Variants in HMSD observed in about 807,000 individuals in gnomAD.
The protein encoded by HMSD is serpin-like protein HMSD.
In HMSD, 13 loss-of-function variants were observed where a neutral mutation model predicts 10.0. The ratio of observed to expected loss-of-function variants is 1.31; its 90% confidence interval spans 0.85 to 2.08. The LOEUF is 2.08. HMSD is among the 30% of genes most tolerant of loss of function. The probability of loss-of-function intolerance (pLI) is 0.00; values close to 1 mark genes in which losing one functional copy is unlikely to be tolerated. For synonymous variants in HMSD, 51 were observed against 54.2 expected, an observed-to-expected ratio of 0.94 and a Z score of 0.26; for missense variants, 169 against 166.3, an observed-to-expected ratio of 1.02 and a Z score of -0.09.
At chr18:63,959,101 C>T (rs1436721947) in intron 3 of HMSD, among the ~76,000 whole-genome samples, 1 of 152,142 alleles carries the variant, frequency 6.6e-6, no homozygotes, top group Non-Finnish European at 1.5e-5. Context: ...CTAGTACAGT[C>T]ATGGGGGACA....
At chr18:63,953,123 G>C (rs967818913) in intron 1 of HMSD, among the ~76,000 whole-genome samples, 3 of 152,272 alleles carry the variant, frequency 2.0e-5, no homozygotes, top group Admixed American at 2.0e-4. Flanking sequence ...AAACAGTGAA[G>C]GCTCAATTTC....
intron 1 of HMSD, among the ~76,000 whole-genome samples, chr18:63,950,606 C>T (rs1048191771): frequency 2.6e-5 from 4 of 151,752 alleles, no homozygotes; most frequent in Admixed American, 2.0e-4. Context: ...AAATATTAAA[C>T]CAGGAGACTT....
Position 63,959,804 on chromosome 18 carries a change from T to A in HMSD, c.223-354T>A, listed in dbSNP as rs370792036. On this transcript the variant is annotated intron_variant, in intron 3 of 3. Transcript: ENST00000408945. ...TTCAGTTCTATTAGTTGTTGCCTTATGTGTCTTGATGGTCCACTATTAGGT... is the reference window on the plus strand; with the variant it reads ...TTCAGTTCTATTAGTTGTTGCCTTAAGTGTCTTGATGGTCCACTATTAGGT... Among the ~76,000 whole-genome samples the A allele has an allele frequency of 9.8e-5, 15 of 152,318 alleles. No individual in the cohort carries two copies. The East Asian group carries it at 2.3e-3, about 24-fold the overall frequency.
chr18:63,954,541 CT>C lies in HMSD; in HGVS notation c.208del (p.Tyr70MetfsTer19). 1 of 1,611,340 alleles carries C rather than the reference CT, an allele frequency of 6.2e-7. No homozygotes were observed. The highest frequency in any genetic ancestry group is 1.1e-5 in the South Asian group (1 of 90,722). On this transcript the variant is annotated frameshift_variant, in exon 3 of 4. Transcript: ENST00000408945. LOFTEE classifies it high-confidence loss of function. The part of the protein sequence containing the change: ...RTANGLFGEK[S>X]YDFLTGFTDS... ...GCCAACGGGCTCTTTGGAGAAAAGT[CT>C]TATGATTTCCTCACAGTAAGTCATA...
intron 1 of HMSD, among the ~76,000 whole-genome samples, chr18:63,952,776 G>A (rs1159967537): frequency 2.6e-5 from 4 of 152,060 alleles, no homozygotes; most frequent in African/African-American, 7.2e-5. Flanking sequence ...TATTTTCATG[G>A]CATTTTCTTT....
rs2144756815 is a variant in HMSD, at chr18:63,953,343, C to A, written c.-102-11C>A. ...ATTAATGTAATATTGTTTAAAAATC[C>A]ATTGTTTCAGGCTCACCGTCATGGA... On this transcript the variant is annotated splice_polypyrimidine_tract_variant and intron_variant, in intron 1 of 3. Transcript: ENST00000408945. 2 of 719,056 alleles carry A rather than the reference C, an allele frequency of 2.8e-6. No homozygotes were observed. Among genetic ancestry groups the A allele is most frequent in the Non-Finnish European group, 4.9e-6 (2 of 409,150 alleles). 44.5% of individuals were successfully genotyped at this position (719,056 alleles called of 1,614,324 possible).
At position 63,960,437 on chromosome 18, in the gene HMSD, T is replaced by G. The variant is rs925024297; in HGVS notation, c.*82T>G. Reference sequence around the variant, plus strand: ...ATATTGCCAACTCGTAGACCTTTTCTCTAGCTTTAGCTTTTCCCTTATCAA... The same window carrying G: ...ATATTGCCAACTCGTAGACCTTTTCGCTAGCTTTAGCTTTTCCCTTATCAA... On this transcript the variant is annotated 3_prime_UTR_variant, in exon 4 of 4. Transcript: ENST00000408945. The G allele has an allele frequency of 2.0e-6, 3 of 1,486,852 alleles. No individual in the cohort carries two copies. The highest frequency in any genetic ancestry group is 2.9e-5 in the African/African-American group (2 of 70,050). 92.1% of individuals were successfully genotyped at this position (1,486,852 alleles called of 1,614,324 possible). A position where few individuals can be genotyped will look rare whatever the true frequency, so the allele number is the denominator to read the frequency against.
downstream of HMSD, among the ~76,000 whole-genome samples, chr18:63,962,330 C>T (rs2050390517): frequency 6.6e-6 from 1 of 152,168 alleles, no homozygotes; most frequent in African/African-American, 2.4e-5. Flanking sequence ...TAATCTCTTC[C>T]TCTTGTTATT....
intron 3 of HMSD, among the ~76,000 whole-genome samples, chr18:63,955,971 C>G (rs1314234985): frequency 6.6e-6 from 1 of 152,192 alleles, no homozygotes; most frequent in Non-Finnish European, 1.5e-5. Flanking sequence ...TGCTTTTAGA[C>G]TGGGGCAGAG....
chr18:63,950,415 CAAA>C (rs562421091), intron 1 of HMSD, among the ~76,000 whole-genome samples: 56 of 39,058 alleles, frequency 1.4e-3, no homozygotes, highest in South Asian at 6.2e-3. Flanking sequence ...GACTCTCTCT[CAAA>C]AAAAAAAAAA....
chr18:63,961,137 G>A lies in HMSD; in HGVS notation c.*782G>A, dbSNP rs1599112725. 2.0e-5 allele frequency: 3 copies of A among 151,948 alleles called. No individual in the cohort carries two copies. The East Asian group carries it at 5.8e-4, about 29-fold the overall frequency. 9.4% of individuals were successfully genotyped at this position (151,948 alleles called of 1,614,324 possible). A position where few individuals can be genotyped will look rare whatever the true frequency, so the allele number is the denominator to read the frequency against. On this transcript the variant is annotated 3_prime_UTR_variant, in exon 4 of 4. Coordinates refer to ENST00000408945, the MANE Select transcript of HMSD (RefSeq NM_001123366.2). ...GCCTTGTGGATAGTCCAGTCAAGTGGAGTAAGAGGTGGGAGTGGGGAGTGT... is the reference window on the plus strand; with the variant it reads ...GCCTTGTGGATAGTCCAGTCAAGTGAAGTAAGAGGTGGGAGTGGGGAGTGT...
At chr18:63,962,042 C>A (rs1011261920), downstream of HMSD, among the ~76,000 whole-genome samples, 1 of 152,144 alleles carries the variant, frequency 6.6e-6, no homozygotes, top group African/African-American at 2.4e-5. Context: ...TGTAAGTATC[C>A]ACAAAGTGAG....
At chr18:63,963,894 G>A (rs1227089750), downstream of HMSD, among the ~76,000 whole-genome samples, 1 of 152,218 alleles carries the variant, frequency 6.6e-6, no homozygotes, top group Non-Finnish European at 1.5e-5. Flanking sequence ...ATCTTCTTAG[G>A]ATTATTCAGT....
In HMSD at chr18:63,954,781, C is replaced by T. The variant is rs115236448; in HGVS notation, c.222+224C>T. Among the ~76,000 whole-genome samples, 1,391 of 152,318 alleles carry T rather than the reference C, an allele frequency of 9.1e-3. 25 individuals carry two copies. Among genetic ancestry groups the T allele is most frequent in the African/African-American group, 0.032 (1,313 of 41,570 alleles). On this transcript the variant is annotated intron_variant, in intron 3 of 3. Transcript: ENST00000408945. ...TAATGAGATAATCTTCATAAAAGAA[C>T]TGACACAGAGCGTAACACAGTTGAA...
chr18:63,958,441 CT>C (rs1383792117), intron 3 of HMSD, among the ~76,000 whole-genome samples: 1 of 152,102 alleles, frequency 6.6e-6, no homozygotes, highest in East Asian at 1.9e-4. Context: ...AAATATTTAG[CT>C]GTGAGCAGTT....
intron 3 of HMSD, among the ~76,000 whole-genome samples, chr18:63,956,286 C>A (rs2050357781): frequency 6.6e-6 from 1 of 151,936 alleles, no homozygotes; most frequent in Non-Finnish European, 1.5e-5. Flanking sequence ...AAACAGACAA[C>A]CTATAGAAAT....
Position 63,961,525 on chromosome 18 carries a change from T to G in HMSD, c.*1170T>G, listed in dbSNP as rs2050386544. On this transcript the variant is annotated 3_prime_UTR_variant, in exon 4 of 4. Coordinates refer to ENST00000408945, the MANE Select transcript of HMSD (RefSeq NM_001123366.2). ...TGAAGTCCCCTGCTCTTGTCAGATA[T>G]GTGCACCCTATTCACCCACTGAGCA... is the stretch of plus-strand genomic sequence containing the variant. The G allele has an allele frequency of 6.6e-6, 1 of 151,878 alleles. No individual in the cohort carries two copies. The highest frequency in any genetic ancestry group is 6.6e-5 in the Admixed American group (1 of 15,258). 9.4% of individuals were successfully genotyped at this position (151,878 alleles called of 1,614,324 possible).
At chr18:63,964,701 A>G (rs897107742), downstream of HMSD, among the ~76,000 whole-genome samples, 5 of 152,188 alleles carry the variant, frequency 3.3e-5, no homozygotes, top group African/African-American at 1.2e-4. Context: ...CTATGTTCAC[A>G]TGGCAGGGAG....
chr18:63,967,744 A>T (rs1256091797), intron 3 of HMSD, among the ~76,000 whole-genome samples: 1 of 152,160 alleles, frequency 6.6e-6, no homozygotes, highest in Non-Finnish European at 1.5e-5. Flanking sequence ...AAGAAGACAG[A>T]AGATGAGGCT....
Sources: allele counts gnomAD v4.1 joint callset (sites outside exome capture counted in the v4.1 genomes callset), GRCh38; gene constraint gnomAD v4.1.1; transcripts MANE v1.5; gene names NCBI Gene and HGNC (gene_info 2026-07-23, HGNC 2026-07-21).